SIMC1: variants seen among roughly 807,000 people sequenced by gnomAD.
The protein encoded by SIMC1 is SUMO interacting motifs containing 1, also known as SUMO-interacting motif-containing protein 1.
SIMC1 carries 55 observed loss-of-function variants against 82.3 expected under a neutral mutation model. That is an observed-to-expected ratio of 0.67 (90% confidence interval 0.54 to 0.84). The LOEUF is 0.84. Ranked by LOEUF, SIMC1 falls within the 40% of genes least tolerant of loss-of-function variation. The probability of loss-of-function intolerance (pLI) is 0.00; values close to 1 mark genes in which losing one functional copy is unlikely to be tolerated. For synonymous variants in SIMC1, 353 were observed against 426.3 expected (o/e 0.83, Z 2.12); for missense variants, 915 against 1,107.2 (o/e 0.83, Z 2.46).
At chr5:176,305,917 C>T (rs1212669581) in intron 4 of SIMC1, among the ~76,000 whole-genome samples, 9 of 85,440 alleles carry the variant, frequency 1.1e-4, no homozygotes, top group South Asian at 9.0e-4. Context: ...CGCTTCTGCC[C>T]GGCCGCCCCT....
chr5:176,245,043 A>T (rs1761391896), intron 1 of SIMC1, among the ~76,000 whole-genome samples: 1 of 152,078 alleles, frequency 6.6e-6, no homozygotes. Context: ...TCATTTGTTA[A>T]ATCTACTTAT....
At chr5:176,270,491 G>A (rs1280601729) in intron 1 of SIMC1, 4 of 152,098 alleles carry the variant, frequency 2.6e-5, no homozygotes, top group Non-Finnish European at 5.9e-5. Context: ...ATCCACACAA[G>A]AAAGCACTTT....
intron 1 of SIMC1, among the ~76,000 whole-genome samples, chr5:176,266,482 A>G (rs1213953358): frequency 6.6e-6 from 1 of 151,828 alleles, no homozygotes; most frequent in African/African-American, 2.4e-5. Flanking sequence ...ATAAGAACAA[A>G]GATATCAGTA....
chr5:176,336,713 C>T lies in SIMC1; in HGVS notation c.2172-7C>T, dbSNP rs1192708189. ...TGATTAACTCCCTCTTCCTCTTCTC[C>T]ACACAGAGAAATGTTCTTTACTACC... On this transcript the variant is annotated splice_region_variant and splice_polypyrimidine_tract_variant and intron_variant, in intron 7 of 9. Coordinates refer to ENST00000429602, the MANE Select transcript of SIMC1 (RefSeq NM_001308195.2). The T allele has an allele frequency of 6.2e-7, 1 of 1,613,562 alleles. No individual in the cohort carries two copies. The highest frequency in any genetic ancestry group is 1.1e-5 in the South Asian group (1 of 91,036).
chr5:176,246,899 G>T (rs1231945300), intron 1 of SIMC1, among the ~76,000 whole-genome samples: 1 of 151,980 alleles, frequency 6.6e-6, no homozygotes, highest in Non-Finnish European at 1.5e-5. Flanking sequence ...TGAGAATGAT[G>T]GTTTCCAGCT....
intron 9 of SIMC1, among the ~76,000 whole-genome samples, chr5:176,340,151 C>T (rs1445816141): frequency 6.6e-6 from 1 of 152,108 alleles, no homozygotes; most frequent in East Asian, 1.9e-4. Flanking sequence ...TTATATAATC[C>T]AAAAACCTTG....
At chr5:176,326,560 C>CTATT (rs112886318) in intron 7 of SIMC1, among the ~76,000 whole-genome samples, 20,750 of 151,320 alleles carry the variant, frequency 0.14, 1,447 homozygotes, top group Middle Eastern at 0.21. Flanking sequence ...AATGTTATCC[C>CTATT]TATTTATTTA....
In SIMC1 at chr5:176,279,424, G is replaced by C. The variant is rs569187150; in HGVS notation, c.130-10230G>C. Among the ~76,000 whole-genome samples the C allele has an allele frequency of 8.5e-4, 129 of 152,216 alleles. 1 individual carries two copies. The Middle Eastern group carries it at 0.017, about 20-fold the overall frequency. On this transcript the variant is annotated intron_variant, in intron 1 of 9. Coordinates refer to ENST00000429602, the MANE Select transcript of SIMC1 (RefSeq NM_001308195.2). ...TTTTGTTGATCGTTTCAAAAAACCA[G>C]CTTCTGGATTCATTAATTTCTTGAA...
intron 7 of SIMC1, among the ~76,000 whole-genome samples, chr5:176,330,951 T>C (rs1272543523): frequency 6.6e-6 from 1 of 152,142 alleles, no homozygotes; most frequent in Non-Finnish European, 1.5e-5. Context: ...ATGGGACAAA[T>C]TGATGTCATG....
chr5:176,255,551 C>T (rs1162632337), intron 1 of SIMC1, among the ~76,000 whole-genome samples: 1 of 149,178 alleles, frequency 6.7e-6, no homozygotes, highest in Non-Finnish European at 1.5e-5. Context: ...CACTGCACTC[C>T]AGCCTGGGTG....
At chr5:176,329,365 GGA>G (rs1255186470) in intron 7 of SIMC1, among the ~76,000 whole-genome samples, 1 of 152,060 alleles carries the variant, frequency 6.6e-6, no homozygotes, top group African/African-American at 2.4e-5. Context: ...CAGCTACTCG[GGA>G]GGCTGAGGCA....
chr5:176,328,619 A>G (rs1012776742), intron 7 of SIMC1, among the ~76,000 whole-genome samples: 11 of 152,226 alleles, frequency 7.2e-5, no homozygotes, highest in Non-Finnish European at 7.3e-5. Context: ...CGTTCCAATA[A>G]TGGAACACTG....
In SIMC1 at chr5:176,289,888, C is replaced by T. The variant is rs766458193; in HGVS notation, c.364C>T (p.Arg122Trp). ...HVDRSSQPTA[R>W]RIINSDPVDL... is the part of the protein sequence containing the mutation. The stretch of plus-strand genomic sequence containing the variant: ...GGACAGAAGCTCTCAGCCTACAGCA[C>T]GGAGAATCATTAACAGTGATCCTGT... Residue 122 changes from arginine (R) to tryptophan (W), a missense_variant, in exon 2 of 10, where the codon CGG (arginine) becomes TGG (tryptophan). Transcript: ENST00000429602. 137 of 1,613,792 alleles carry T rather than the reference C, an allele frequency of 8.5e-5. No individual in the cohort carries two copies. In the East Asian group the frequency reaches 8.7e-4, roughly 10 times the overall value.
intron 1 of SIMC1, among the ~76,000 whole-genome samples, chr5:176,282,621 TCTC>T (rs374135372): frequency 1.8e-4 from 28 of 152,242 alleles, no homozygotes; most frequent in African/African-American, 6.5e-4. Context: ...GAGTGCCTCT[TCTC>T]CTCCAAAGGA....
chr5:176,316,405 A>G (rs1429986013), intron 5 of SIMC1, among the ~76,000 whole-genome samples: 1 of 150,492 alleles, frequency 6.6e-6, no homozygotes, highest in Non-Finnish European at 1.5e-5. Flanking sequence ...GGTGGCTCAC[A>G]CCTGTAATCC....
At chr5:176,327,518 A>T (rs1308718916) in intron 7 of SIMC1, among the ~76,000 whole-genome samples, 1 of 152,184 alleles carries the variant, frequency 6.6e-6, no homozygotes, top group Non-Finnish European at 1.5e-5. Flanking sequence ...CTCTACATAC[A>T]CAATCACGTT....
chr5:176,255,243 C>T (rs1452798254), intron 1 of SIMC1, among the ~76,000 whole-genome samples: 1 of 135,018 alleles, frequency 7.4e-6, no homozygotes, highest in African/African-American at 2.7e-5. Context: ...GACTCCACCT[C>T]AAAAAAAAAA....
chr5:176,313,606 G>A, intron 4 of SIMC1, 85 bp from the exon 5 acceptor site: 1 of 1,580,002 alleles, frequency 6.3e-7, no homozygotes, highest in East Asian at 2.2e-5. Context: ...GCCTTCTCTT[G>A]GGCTTAGTAT....
chr5:176,255,113 C>A (rs887076684), intron 1 of SIMC1, among the ~76,000 whole-genome samples: 3 of 151,392 alleles, frequency 2.0e-5, no homozygotes, highest in South Asian at 4.2e-4. Flanking sequence ...ACTGTCTTTA[C>A]TAAAAATACA....
Sources: allele counts gnomAD v4.1 joint callset (sites outside exome capture counted in the v4.1 genomes callset), GRCh38; gene constraint gnomAD v4.1.1; transcripts MANE v1.5; gene names NCBI Gene and HGNC (gene_info 2026-07-23, HGNC 2026-07-21).